NAV2: variants seen among roughly 807,000 people sequenced by gnomAD.
The protein encoded by NAV2 is helicase, APC down-regulated 1.
In NAV2, 54 loss-of-function variants were observed where a neutral mutation model predicts 223.2. The ratio of observed to expected loss-of-function variants is 0.24; its 90% confidence interval spans 0.19 to 0.30. The LOEUF (loss-of-function observed/expected upper bound fraction) is 0.30. Ranked by LOEUF, NAV2 falls within the 10% of genes least tolerant of loss-of-function variation. NAV2 has a pLI of 1.00. For synonymous variants in NAV2, 1,279 were observed against 1,239.3 expected (o/e 1.03, Z -0.67); for missense variants, 2,806 against 3,147.5 (o/e 0.89, Z 2.60).
At chr11:19,931,120 A>G (rs1182402617) in intron 6 of NAV2, among the ~76,000 whole-genome samples, 5 of 152,202 alleles carry the variant, frequency 3.3e-5, no homozygotes, top group African/African-American at 9.7e-5. Flanking sequence ...AAATAGGGGC[A>G]GGAACTCCTT....
intron 1 of NAV2, among the ~76,000 whole-genome samples, chr11:19,746,670 C>T (rs540154972): frequency 6.6e-6 from 1 of 152,210 alleles, no homozygotes; most frequent in East Asian, 1.9e-4. Flanking sequence ...TCTGATTCTT[C>T]TAACCCCTTT....
At chr11:20,082,662 T>C (rs997703887) in intron 25 of NAV2, 8 of 1,470,320 alleles carry the variant, frequency 5.4e-6, no homozygotes, top group Non-Finnish European at 7.6e-6. Context: ...ATGACTAACC[T>C]CATCCGCATC....
At chr11:19,591,560 T>G (rs2046062369) in intron 1 of NAV2, among the ~76,000 whole-genome samples, 1 of 152,210 alleles carries the variant, frequency 6.6e-6, no homozygotes, top group African/African-American at 2.4e-5. Context: ...TCAAGCTGGA[T>G]TCAGTGATGT....
At chr11:20,106,155 G>GTGTGTGTGTA (rs369895690) in intron 35 of NAV2, among the ~76,000 whole-genome samples, 1 of 31,498 alleles carries the variant, frequency 3.2e-5, no homozygotes, top group South Asian at 2.1e-3. Context: ...GTGTGTGTGT[G>GTGTGTGTGTA]TATATATATA....
At chr11:20,056,725 A>T in intron 19 of NAV2, 1 of 799,154 alleles carries the variant, frequency 1.3e-6, no homozygotes, top group Middle Eastern at 2.2e-4. Context: ...AACCAATGAT[A>T]AGAATAGGAG....
At chr11:19,877,470 C>CTTTTTTTTTTTTTTCTTTTTTCTTTTT (rs1555114909) in intron 4 of NAV2, among the ~76,000 whole-genome samples, 1 of 82,618 alleles carries the variant, frequency 1.2e-5, no homozygotes, top group Non-Finnish European at 2.2e-5. Flanking sequence ...TATCTTCATT[C>CTTTTTTTTTTTTTTCTTTTTTCTTTTT]TTTTTTTTTT....
intron 5 of NAV2, 53 bp downstream of exon 5, chr11:19,880,180 C>T (rs958524240): frequency 2.7e-5 from 41 of 1,496,066 alleles, no homozygotes; most frequent in Non-Finnish European, 3.6e-5. Flanking sequence ...CTTCCTCCAC[C>T]CCAACCAATC....
intron 36 of NAV2, among the ~76,000 whole-genome samples, chr11:20,112,692 G>T (rs1451133304): frequency 6.6e-6 from 1 of 152,174 alleles, no homozygotes; most frequent in Non-Finnish European, 1.5e-5. Context: ...AGTCAGGAGG[G>T]GTGGAGAGGA....
chr11:20,076,291 T>G (rs544149069), intron 22 of NAV2, among the ~76,000 whole-genome samples: 66 of 152,342 alleles, frequency 4.3e-4, no homozygotes, highest in African/African-American at 1.3e-3. Context: ...TAAGTGCTTT[T>G]CTTTTCAATC....
intron 1 of NAV2, among the ~76,000 whole-genome samples, chr11:19,587,619 T>C (rs1384706650): frequency 6.6e-6 from 1 of 152,190 alleles, no homozygotes; most frequent in Non-Finnish European, 1.5e-5. Flanking sequence ...GCATCTGACT[T>C]CAAGGGTTAA....
intron 19 of NAV2, among the ~76,000 whole-genome samples, chr11:20,057,410 T>A (rs1037618651): frequency 6.6e-6 from 1 of 152,142 alleles, no homozygotes; most frequent in South Asian, 2.1e-4. Context: ...CACAAGTCTG[T>A]AAATCCATAT....
At chr11:19,619,256 T>A (rs2046909612) in intron 1 of NAV2, among the ~76,000 whole-genome samples, 2 of 13,916 alleles carry the variant, frequency 1.4e-4, no homozygotes, top group Middle Eastern at 0.053. Context: ...TGATTTATAA[T>A]CCTTTGGGTA....
At chr11:20,038,541 C>G (rs190503786) in intron 12 of NAV2, among the ~76,000 whole-genome samples, 291 of 152,342 alleles carry the variant, frequency 1.9e-3, no homozygotes, top group African/African-American at 6.8e-3. Context: ...TTCACAGGCT[C>G]CCATCCTCCT....
chr11:19,840,664 G>A (rs183844729), intron 2 of NAV2, among the ~76,000 whole-genome samples: 55 of 152,266 alleles, frequency 3.6e-4, no homozygotes, highest in African/African-American at 1.3e-3. Flanking sequence ...ATGGAAGAGT[G>A]CCATCTGTCA....
intron 22 of NAV2, among the ~76,000 whole-genome samples, chr11:20,072,049 T>G (rs1231046422): frequency 6.6e-6 from 1 of 152,222 alleles, no homozygotes; most frequent in Non-Finnish European, 1.5e-5. Context: ...TAGGTTTTCT[T>G]CTAAGGTTTT....
chr11:19,488,773 C>A (rs1015425007), intron 1 of NAV2, among the ~76,000 whole-genome samples: 3 of 152,176 alleles, frequency 2.0e-5, no homozygotes, highest in Non-Finnish European at 4.4e-5. Flanking sequence ...AATACCTGTA[C>A]AAATACAAAT....
chr11:19,869,023 C>T (rs1450810277), intron 4 of NAV2, 26 bp downstream of exon 4: 3 of 1,608,188 alleles, frequency 1.9e-6, no homozygotes, highest in Non-Finnish European at 2.6e-6. Flanking sequence ...TGTCACGAAG[C>T]TGCCTCTTCA....
intron 5 of NAV2, among the ~76,000 whole-genome samples, chr11:19,891,826 CACACAAGG>C (rs1185376263): frequency 6.6e-6 from 1 of 152,132 alleles, no homozygotes; most frequent in African/African-American, 2.4e-5. Context: ...AAGAGATGCA[CACACAAGG>C]TTATCAGTTT....
chr11:20,064,235 C>T (rs923068147), intron 20 of NAV2, among the ~76,000 whole-genome samples: 2 of 152,142 alleles, frequency 1.3e-5, no homozygotes, highest in African/African-American at 4.8e-5. Context: ...CTGGTACTTT[C>T]AAACCTAAAT....
Sources: gnomAD v4.1 joint callset for allele counts (sites outside exome capture counted in the v4.1 genomes callset) on GRCh38, gnomAD v4.1.1 for gene constraint, MANE v1.5 for transcripts, NCBI Gene and HGNC (gene_info 2026-07-23, HGNC 2026-07-21) for gene names.